Variants in CADM2 observed in about 807,000 individuals in gnomAD.
CADM2 encodes the protein cell adhesion molecule 2.
CADM2 carries 12 observed loss-of-function variants against 49.8 expected under a neutral mutation model. The observed-to-expected ratio is 0.24, with a 90% CI of 0.15 to 0.39. The LOEUF is 0.39. CADM2 is among the 10% of genes least tolerant of loss of function. The pLI, the probability that CADM2 is intolerant of heterozygous loss-of-function variation, is 1.00. For synonymous variants in CADM2, 214 were observed against 175.4 expected, an observed-to-expected ratio of 1.22 and a Z score of -1.74; for missense variants, 378 against 492.3, an observed-to-expected ratio of 0.77 and a Z score of 2.20.
At chr3:85,382,615 A>G (rs956246521) in intron 1 of CADM2, among the ~76,000 whole-genome samples, 4 of 152,150 alleles carry the variant, frequency 2.6e-5, no homozygotes, top group African/African-American at 9.7e-5. Context: ...CTTTGATTAG[A>G]TATAATATTT....
chr3:85,349,506 C>A (rs988757346), intron 1 of CADM2, among the ~76,000 whole-genome samples: 1 of 152,108 alleles, frequency 6.6e-6, no homozygotes, highest in African/African-American at 2.4e-5. Flanking sequence ...TCTGTCTTCC[C>A]TAACAATTTT....
chr3:85,613,944 G>C (rs1172927799), intron 1 of CADM2, among the ~76,000 whole-genome samples: 4 of 151,468 alleles, frequency 2.6e-5, no homozygotes, highest in African/African-American at 7.3e-5. Context: ...CGGTAGTTTT[G>C]CACGTAATAA....
intron 1 of CADM2, among the ~76,000 whole-genome samples, chr3:85,452,360 A>G (rs2037785144): frequency 1.3e-5 from 2 of 152,176 alleles, no homozygotes; most frequent in South Asian, 2.1e-4. Context: ...AACTAATACA[A>G]CAATAGCAAA....
At chr3:85,756,205 G>T (rs1338991137) in intron 2 of CADM2, among the ~76,000 whole-genome samples, 1 of 151,982 alleles carries the variant, frequency 6.6e-6, no homozygotes, top group Non-Finnish European at 1.5e-5. Flanking sequence ...AGATTTAATG[G>T]TCTATATGTC....
chr3:85,096,429 ATGTC>A (rs1465263143), intron 1 of CADM2, among the ~76,000 whole-genome samples: 5 of 151,926 alleles, frequency 3.3e-5, no homozygotes, highest in African/African-American at 1.2e-4. Context: ...GACTTGTTTG[ATGTC>A]TGTCTAATTA....
At chr3:85,988,080 G>C (rs1269865387) in intron 8 of CADM2, among the ~76,000 whole-genome samples, 3 of 152,146 alleles carry the variant, frequency 2.0e-5, no homozygotes, top group Admixed American at 6.6e-5. Context: ...ACTTCAGCTG[G>C]AACTTTCTGC....
chr3:85,106,865 A>G (rs895154710), intron 1 of CADM2, among the ~76,000 whole-genome samples: 1 of 152,184 alleles, frequency 6.6e-6, no homozygotes, highest in Non-Finnish European at 1.5e-5. Flanking sequence ...TTGGCCCATC[A>G]TAACAACTAT....
At chr3:85,160,442 G>A (rs933258207) in intron 1 of CADM2, among the ~76,000 whole-genome samples, 1 of 152,012 alleles carries the variant, frequency 6.6e-6, no homozygotes, top group Non-Finnish European at 1.5e-5. Context: ...AAGTGCACAG[G>A]AACGCATGCA....
chr3:85,950,642 C>A (rs1372296666), intron 7 of CADM2, among the ~76,000 whole-genome samples: 3 of 151,088 alleles, frequency 2.0e-5, no homozygotes, highest in Non-Finnish European at 3.0e-5. Flanking sequence ...CTGTTTCAAC[C>A]ACAAGCTTCT....
chr3:85,709,837 T>C (rs537813542), intron 1 of CADM2, among the ~76,000 whole-genome samples: 4 of 152,270 alleles, frequency 2.6e-5, no homozygotes, highest in African/African-American at 9.6e-5. Context: ...ACATTATTCA[T>C]AAATCTCTTT....
chr3:85,093,417 A>T (rs2037675125), intron 1 of CADM2, among the ~76,000 whole-genome samples: 1 of 151,880 alleles, frequency 6.6e-6, no homozygotes, highest in South Asian at 2.1e-4. Flanking sequence ...AGGCTGAGGC[A>T]GGAGAATCAG....
In CADM2 at chr3:85,892,285, A is replaced by G. The variant is rs1015620096; in HGVS notation, c.529+5958A>G. ...AGCAAGCATTAAGATTATAAAATTC[A>G]GGTGCCTAAATGACTTGGATAATGA... On this transcript the variant is annotated intron_variant, in intron 5 of 9. Transcript: ENST00000383699. 4.6e-5 allele frequency among the ~76,000 whole-genome samples: 7 copies of G among 152,360 alleles called. 1 individual carries two copies. Among genetic ancestry groups the G allele is most frequent in the Middle Eastern group, 6.8e-3 (2 of 294 alleles).
intron 8 of CADM2, among the ~76,000 whole-genome samples, chr3:85,984,998 A>G (rs1285952477): frequency 1.3e-5 from 2 of 152,020 alleles, no homozygotes; most frequent in Non-Finnish European, 2.9e-5. Flanking sequence ...CAAAATATCT[A>G]GAACTAGAGT....
At position 85,013,934 on chromosome 3, in the gene CADM2, TGTAATAATATTGTATATTATATATAC is replaced by T. The variant is rs1559617237; in HGVS notation, c.61+54268_61+54293del. 1.3e-3 allele frequency among the ~76,000 whole-genome samples: 195 copies of T among 146,922 alleles called. 1 individual carries two copies. The highest frequency in any genetic ancestry group is 7.4e-3 in the Middle Eastern group (2 of 272). The stretch of plus-strand genomic sequence containing the variant: ...TCAGTACAATATTATATATACGCAG[TGTAATAATATTGTATATTATATATAC>T]GCAGTGTAATAATATTGTATATTAT... On this transcript the variant is annotated intron_variant, in intron 1 of 9. Coordinates refer to ENST00000383699, the MANE Select transcript of CADM2 (RefSeq NM_001167675.2).
At chr3:85,667,035 C>G (rs947583340) in intron 1 of CADM2, among the ~76,000 whole-genome samples, 1 of 151,932 alleles carries the variant, frequency 6.6e-6, no homozygotes. Context: ...TGGGAAATAA[C>G]AAGACTGCTT....
At chr3:85,987,902 C>T (rs1162459235) in intron 8 of CADM2, among the ~76,000 whole-genome samples, 1 of 151,788 alleles carries the variant, frequency 6.6e-6, no homozygotes, top group Non-Finnish European at 1.5e-5. Context: ...TCTTACTAAC[C>T]AGTGAATTAA....
chr3:86,060,325 C>A (rs959914770), intron 8 of CADM2, among the ~76,000 whole-genome samples: 51 of 152,092 alleles, frequency 3.4e-4, no homozygotes, highest in Non-Finnish European at 2.8e-4. Context: ...TCAATGAAAC[C>A]TTTCCCTAAT....
intron 2 of CADM2, among the ~76,000 whole-genome samples, chr3:85,773,236 C>T (rs1274711879): frequency 6.6e-6 from 1 of 152,000 alleles, no homozygotes; most frequent in Non-Finnish European, 1.5e-5. Flanking sequence ...TGGTGTGAAA[C>T]TTTTTAATGG....
chr3:85,979,820 G>C (rs1577850418), intron 8 of CADM2, among the ~76,000 whole-genome samples: 2 of 151,562 alleles, frequency 1.3e-5, no homozygotes, highest in African/African-American at 4.8e-5. Context: ...GATTTGCTGA[G>C]TGAAGCTACT....
Sources: allele counts gnomAD v4.1 joint callset (sites outside exome capture counted in the v4.1 genomes callset), GRCh38; gene constraint gnomAD v4.1.1; transcripts MANE v1.5; gene names NCBI Gene and HGNC (gene_info 2026-07-23, HGNC 2026-07-21).